KCNMB2: variants seen among roughly 807,000 people sequenced by gnomAD.
The protein encoded by KCNMB2 is potassium calcium-activated channel subfamily M regulatory beta subunit 2.
Under a neutral mutation model 24.5 loss-of-function variants are expected in KCNMB2, and 9 were observed. The ratio of observed to expected loss-of-function variants is 0.37; its 90% confidence interval spans 0.22 to 0.64. KCNMB2 has a LOEUF of 0.64. Among genes scored for constraint, KCNMB2 ranks in the 30% least tolerant of loss-of-function variants. The probability of loss-of-function intolerance (pLI) is 0.63; values close to 1 mark genes in which losing one functional copy is unlikely to be tolerated. For missense variants in KCNMB2, 226 were observed against 284.3 expected (o/e 0.79, Z 1.47); for synonymous variants, 109 against 104.4 (o/e 1.04, Z -0.27).
intron 1 of KCNMB2, among the ~76,000 whole-genome samples, chr3:178,762,176 A>G (rs925317289): frequency 6.6e-6 from 1 of 152,116 alleles, no homozygotes; most frequent in Admixed American, 6.5e-5. Context: ...GTCTCAAAAA[A>G]AAACCAAAAA....
At position 178,568,475 on chromosome 3, in the gene KCNMB2, T is replaced by C. The variant is rs546589934; in HGVS notation, c.-68+31764T>C. Among the ~76,000 whole-genome samples, 3 of 152,310 alleles carry C rather than the reference T, an allele frequency of 2.0e-5. No individual in the cohort carries two copies. The East Asian group carries it at 5.8e-4, about 29-fold the overall frequency. On this transcript the variant is annotated intron_variant, in intron 1 of 4. Transcript: ENST00000452583. Reference sequence around the variant, plus strand: ...ATTACACATTCATAAATGCCAGTGATATCTTGAACACTCATAATGTCAGAG... The same window carrying C: ...ATTACACATTCATAAATGCCAGTGACATCTTGAACACTCATAATGTCAGAG...
chr3:178,604,182 T>C (rs1718194468), intron 1 of KCNMB2, among the ~76,000 whole-genome samples: 1 of 152,140 alleles, frequency 6.6e-6, no homozygotes. Context: ...TGTTCCTTGC[T>C]AAATAAGCAC....
At chr3:178,795,377 G>T (rs1713497508) in intron 1 of KCNMB2, among the ~76,000 whole-genome samples, 1 of 152,132 alleles carries the variant, frequency 6.6e-6, no homozygotes, top group Non-Finnish European at 1.5e-5. Flanking sequence ...CAAGAAAATG[G>T]TCCCCAAGTG....
intron 1 of KCNMB2, among the ~76,000 whole-genome samples, chr3:178,676,483 T>C (rs1721074857): frequency 6.6e-6 from 1 of 152,120 alleles, no homozygotes; most frequent in Non-Finnish European, 1.5e-5. Context: ...TCCTCAGCCA[T>C]TTTTCTCCTC....
chr3:178,809,014 T>C (rs1337941025), intron 2 of KCNMB2, among the ~76,000 whole-genome samples: 1 of 152,252 alleles, frequency 6.6e-6, no homozygotes, highest in African/African-American at 2.4e-5. Context: ...CTTTACTTGA[T>C]CATCTCTAGG....
intron 1 of KCNMB2, among the ~76,000 whole-genome samples, chr3:178,595,711 C>T (rs558701912): frequency 6.6e-6 from 1 of 152,212 alleles, no homozygotes; most frequent in African/African-American, 2.4e-5. Context: ...GCCTCCCCAG[C>T]CATGCTGAGC....
At chr3:178,771,981 A>T (rs1712387672) in intron 1 of KCNMB2, among the ~76,000 whole-genome samples, 1 of 151,622 alleles carries the variant, frequency 6.6e-6, no homozygotes, top group Non-Finnish European at 1.5e-5. Context: ...TTTCTTACCT[A>T]CTCACTCCAT....
At chr3:178,680,223 G>A (rs1721219747) in intron 1 of KCNMB2, among the ~76,000 whole-genome samples, 1 of 152,164 alleles carries the variant, frequency 6.6e-6, no homozygotes, top group African/African-American at 2.4e-5. Flanking sequence ...GAGATAAGGT[G>A]AGGAAGAGCT....
intron 1 of KCNMB2, among the ~76,000 whole-genome samples, chr3:178,614,274 T>TATATATAC (rs1159526426): frequency 2.0e-5 from 2 of 102,402 alleles, no homozygotes; most frequent in Non-Finnish European, 3.7e-5. Context: ...TATATATATA[T>TATATATAC]ATATATATAT....
intron 1 of KCNMB2, among the ~76,000 whole-genome samples, chr3:178,778,501 C>CACACA (rs914905947): frequency 7.0e-6 from 1 of 143,086 alleles, no homozygotes; most frequent in African/African-American, 2.7e-5. Flanking sequence ...CACACACACA[C>CACACA]ACCTGTTCCA....
At chr3:178,685,408 A>C (rs1367572777) in intron 1 of KCNMB2, among the ~76,000 whole-genome samples, 1 of 152,196 alleles carries the variant, frequency 6.6e-6, no homozygotes. Context: ...TCTTTCATAG[A>C]TACCTTGAGG....
intron 4 of KCNMB2, among the ~76,000 whole-genome samples, chr3:178,837,910 A>G (rs901258748): frequency 6.6e-6 from 1 of 152,204 alleles, no homozygotes; most frequent in African/African-American, 2.4e-5. Context: ...AATTCACAAA[A>G]GCATAAGAAA....
At chr3:178,756,595 T>G (rs1577153353) in intron 1 of KCNMB2, among the ~76,000 whole-genome samples, 1 of 152,196 alleles carries the variant, frequency 6.6e-6, no homozygotes, top group East Asian at 1.9e-4. Flanking sequence ...TCTCTGACTT[T>G]CAGCCTCAGA....
At chr3:178,639,432 A>C (rs898212185) in intron 1 of KCNMB2, among the ~76,000 whole-genome samples, 4 of 152,238 alleles carry the variant, frequency 2.6e-5, no homozygotes, top group African/African-American at 9.6e-5. Flanking sequence ...TTAGACAAGG[A>C]TTAAATCCTT....
intron 3 of KCNMB2, among the ~76,000 whole-genome samples, 198 bp from the exon 4 acceptor site, chr3:178,827,980 T>G (rs1714898268): frequency 6.6e-6 from 1 of 152,230 alleles, no homozygotes; most frequent in African/African-American, 2.4e-5. Flanking sequence ...CGTTCTCACG[T>G]GTCCACGTTT....
chr3:178,773,624 A>G (rs1250031453), intron 1 of KCNMB2, among the ~76,000 whole-genome samples: 1 of 151,928 alleles, frequency 6.6e-6, no homozygotes, highest in Non-Finnish European at 1.5e-5. Flanking sequence ...CTTCCCACCA[A>G]CTCAGACTCC....
intron 1 of KCNMB2, among the ~76,000 whole-genome samples, chr3:178,563,001 C>A (rs766343323): frequency 6.6e-6 from 1 of 152,160 alleles, no homozygotes; most frequent in African/African-American, 2.4e-5. Flanking sequence ...ATCTGTGAGC[C>A]AGAATCTCTG....
Position 178,686,247 on chromosome 3 carries a change from C to T in KCNMB2, c.-67-121096C>T, listed in dbSNP as rs113494665. Among the ~76,000 whole-genome samples the T allele has an allele frequency of 1.7e-3, 253 of 152,258 alleles. 1 individual carries two copies. Among genetic ancestry groups the T allele is most frequent in the African/African-American group, 5.8e-3 (242 of 41,546 alleles). ...GCATACACATTTATTTAATAAAGTT[C>T]TACGTGGCATGGGAGACTTCATAAA... On this transcript the variant is annotated intron_variant, in intron 1 of 4. Coordinates refer to ENST00000452583, the MANE Select transcript of KCNMB2 (RefSeq NM_181361.3).
intron 1 of KCNMB2, among the ~76,000 whole-genome samples, chr3:178,664,785 T>C (rs754539616): frequency 6.6e-6 from 1 of 152,020 alleles, no homozygotes; most frequent in Non-Finnish European, 1.5e-5. Context: ...GCATCCTTCT[T>C]AAAGAAAATA....
Sources: allele counts gnomAD v4.1 joint callset (sites outside exome capture counted in the v4.1 genomes callset), GRCh38; gene constraint gnomAD v4.1.1; transcripts MANE v1.5; gene names NCBI Gene and HGNC (gene_info 2026-07-23, HGNC 2026-07-21).